Variants in LARS2 observed in about 807,000 individuals in gnomAD.
LARS2 encodes leucine--tRNA ligase, mitochondrial.
LARS2 carries 81 observed loss-of-function variants against 116.6 expected under a neutral mutation model. The ratio of observed to expected loss-of-function variants is 0.69; its 90% CI spans 0.58 to 0.84. The LOEUF is 0.84. Ranked by LOEUF, LARS2 falls within the 40% of genes least tolerant of loss-of-function variation. The probability of loss-of-function intolerance (pLI) is 0.00; values close to 1 mark genes in which losing one functional copy is unlikely to be tolerated. For synonymous variants in LARS2, 396 were observed against 407.2 expected, an observed-to-expected ratio of 0.97 and a Z score of 0.33; for missense variants, 968 against 1,114.5, an observed-to-expected ratio of 0.87 and a Z score of 1.87.
At chr3:45,401,134 GA>G (rs1288203272) in intron 4 of LARS2, among the ~76,000 whole-genome samples, 2 of 152,070 alleles carry the variant, frequency 1.3e-5, no homozygotes, top group Non-Finnish European at 2.9e-5. Flanking sequence ...TTTTCTAATG[GA>G]AAAAAATAAT....
rs530159217 is a variant in LARS2, at chr3:45,520,358, C to G, written c.2292+62C>G. The G allele has an allele frequency of 1.5e-5, 18 of 1,209,730 alleles. No individual in the cohort carries two copies. The South Asian group carries it at 2.1e-4, about 14-fold the overall frequency. The allele number at this position is 1,209,730 out of a possible 1,614,324, so 74.9% of individuals were successfully genotyped here. On this transcript the variant is annotated intron_variant, in intron 19 of 21. Coordinates refer to ENST00000645846, the MANE Select transcript of LARS2 (RefSeq NM_015340.4). Reference sequence around the variant, plus strand: ...GGGAGGGAGAGGTGTGGCAAGGGGCCCCACAGGGTCCCAAGAGGGACAGAG... The same window carrying G: ...GGGAGGGAGAGGTGTGGCAAGGGGCGCCACAGGGTCCCAAGAGGGACAGAG...
intron 6 of LARS2, among the ~76,000 whole-genome samples, chr3:45,441,023 C>CTTT (rs148736694): frequency 1.1e-5 from 1 of 87,112 alleles, no homozygotes; most frequent in African/African-American, 3.6e-5. Flanking sequence ...ATCACACACT[C>CTTT]TTTTTTTTTT....
At chr3:45,442,441 C>T (rs1421868605) in intron 6 of LARS2, among the ~76,000 whole-genome samples, 1 of 152,212 alleles carries the variant, frequency 6.6e-6, no homozygotes, top group East Asian at 1.9e-4. Context: ...TATGCAACTT[C>T]AAAATAGGAA....
intron 4 of LARS2, among the ~76,000 whole-genome samples, chr3:45,405,111 G>GTT (rs967031901): frequency 6.9e-6 from 1 of 144,510 alleles, no homozygotes; most frequent in Admixed American, 7.0e-5. Flanking sequence ...AGCATGTCAA[G>GTT]TTTTTTTTTT....
intron 6 of LARS2, among the ~76,000 whole-genome samples, chr3:45,445,599 G>A (rs1348430672): frequency 3.9e-5 from 6 of 152,192 alleles, no homozygotes; most frequent in Non-Finnish European, 8.8e-5. Context: ...CTACAATGTG[G>A]GCAAAGCCCT....
chr3:45,417,159 A>G (rs1698438733), intron 4 of LARS2, among the ~76,000 whole-genome samples: 1 of 151,918 alleles, frequency 6.6e-6, no homozygotes, highest in African/African-American at 2.4e-5. Flanking sequence ...GTATATATAT[A>G]TGTGAAACTG....
chr3:45,413,807 CAG>C (rs1173661199), intron 4 of LARS2, among the ~76,000 whole-genome samples: 4 of 152,226 alleles, frequency 2.6e-5, no homozygotes, highest in Non-Finnish European at 1.5e-5. Flanking sequence ...CCTGCTAAGA[CAG>C]GGGCTTAGGA....
chr3:45,512,585 G>A (rs1485988033), intron 15 of LARS2, among the ~76,000 whole-genome samples: 2 of 152,110 alleles, frequency 1.3e-5, no homozygotes, highest in East Asian at 3.8e-4. Context: ...CTGCCATGGA[G>A]AAATCCATTC....
intron 13 of LARS2, among the ~76,000 whole-genome samples, chr3:45,494,129 T>C (rs530722693): frequency 2.4e-4 from 36 of 152,226 alleles, no homozygotes; most frequent in African/African-American, 8.4e-4. Flanking sequence ...GCTTCTACTC[T>C]TAGAGACCAC....
intron 7 of LARS2, among the ~76,000 whole-genome samples, chr3:45,455,925 C>G: frequency 6.6e-6 from 1 of 152,012 alleles, no homozygotes; most frequent in East Asian, 1.9e-4. Context: ...ATCTCACTTA[C>G]ATGTGGAATC....
intron 4 of LARS2, among the ~76,000 whole-genome samples, chr3:45,408,072 C>A (rs185573812): frequency 5.9e-5 from 9 of 152,164 alleles, no homozygotes; most frequent in African/African-American, 1.9e-4. Flanking sequence ...TACATAAGGC[C>A]CCCCCGTCCC....
At chr3:45,465,849 T>C (rs1699415019) in intron 8 of LARS2, among the ~76,000 whole-genome samples, 1 of 152,224 alleles carries the variant, frequency 6.6e-6, no homozygotes, top group Non-Finnish European at 1.5e-5. Context: ...GTCAATTCTC[T>C]ATCATCATCT....
intron 10 of LARS2, chr3:45,484,093 G>A (rs1448783038): frequency 6.6e-6 from 1 of 151,132 alleles, no homozygotes; most frequent in Non-Finnish European, 1.5e-5. Flanking sequence ...TGCAGTTCCA[G>A]CTACTCAGGA....
chr3:45,490,367 C>T (rs1353690371), intron 12 of LARS2, among the ~76,000 whole-genome samples: 4 of 152,190 alleles, frequency 2.6e-5, no homozygotes, highest in African/African-American at 9.7e-5. Context: ...TTCTTTCACA[C>T]AGCTTCAGAT....
rs1699796423 is a variant in LARS2 at position 45,485,733 on chromosome 3, C to T, written c.1060C>T (p.Gln354Ter). ...AATGGCTGTGAACATGCTTACCCAG[C>T]AGGAGGTCCCTGTCGTTATTTTGGC... is the stretch of plus-strand genomic sequence containing the variant. The part of the protein sequence containing the change: ...PVMAVNMLTQ[Q>*]EVPVVILAKA... Residue 354 changes from glutamine to a stop codon, truncating the protein, a stop_gained, in exon 11 of 22, where the codon CAG becomes TAG. Coordinates refer to ENST00000645846, the MANE Select transcript of LARS2 (RefSeq NM_015340.4). LOFTEE classifies it high-confidence loss of function. 3.1e-6 allele frequency: 5 copies of T among 1,611,858 alleles called. No individual in the cohort carries two copies. Among genetic ancestry groups the T allele is most frequent in the Non-Finnish European group, 4.2e-6 (5 of 1,178,930 alleles).
intron 1 of LARS2, among the ~76,000 whole-genome samples, chr3:45,391,125 T>G (rs1236193882): frequency 6.6e-6 from 1 of 152,156 alleles, no homozygotes; most frequent in African/African-American, 2.4e-5. Context: ...ACATTTTCCT[T>G]TGTGAATTTT....
chr3:45,421,288 G>A (rs1415252327), intron 6 of LARS2: 1 of 152,150 alleles, frequency 6.6e-6, no homozygotes, highest in Non-Finnish European at 1.5e-5. Context: ...CACTAAAAAT[G>A]AGTATTCATA....
chr3:45,447,188 C>G (rs1699036547), intron 7 of LARS2, among the ~76,000 whole-genome samples: 1 of 152,158 alleles, frequency 6.6e-6, no homozygotes, highest in African/African-American at 2.4e-5. Flanking sequence ...AACCTATTGT[C>G]TGGTTCCTGT....
Position 45,485,804 on chromosome 3 carries a change from G to A in LARS2, c.1123+8G>A. On this transcript the variant is annotated splice_region_variant and intron_variant, in intron 11 of 21. Transcript: ENST00000645846. ...CTCTGGATTCAAAAATAGGTAAGCA[G>A]CTATTAAAATGTAACCACAACGGTA... 1 of 1,552,830 alleles carries A rather than the reference G, an allele frequency of 6.4e-7. No individual in the cohort carries two copies. Among genetic ancestry groups the A allele is most frequent in the Non-Finnish European group, 8.9e-7 (1 of 1,128,162 alleles).
Sources: gnomAD v4.1 joint callset for allele counts (sites outside exome capture counted in the v4.1 genomes callset) on GRCh38, gnomAD v4.1.1 for gene constraint, MANE v1.5 for transcripts, NCBI Gene and HGNC (gene_info 2026-07-23, HGNC 2026-07-21) for gene names.